NMT2: variants seen among roughly 807,000 people sequenced by gnomAD.
NMT2 encodes the protein glycylpeptide N-tetradecanoyltransferase 2.
Under a neutral mutation model 65.4 loss-of-function variants are expected in NMT2, and 35 were observed. The observed-to-expected ratio is 0.54, with a 90% confidence interval of 0.41 to 0.71. NMT2 has a LOEUF of 0.71. Ranked by LOEUF, NMT2 falls within the 30% of genes least tolerant of loss-of-function variation. NMT2 has a pLI of 0.00. For synonymous variants in NMT2, 226 were observed against 231.8 expected, an observed-to-expected ratio of 0.98 and a Z score of 0.23; for missense variants, 489 against 611.3, an observed-to-expected ratio of 0.80 and a Z score of 2.11.
rs530981598 is a variant in NMT2 at position 15,107,005 on chromosome 10, C to T, written c.*2190G>A. Among the ~76,000 whole-genome samples, 12 of 151,400 alleles carry T rather than the reference C, an allele frequency of 7.9e-5. No homozygotes were observed. The highest frequency in any genetic ancestry group is 2.0e-4 in the Admixed American group (3 of 15,130). ...AGCTAGTTCTTTTTCTTCAAAAAGACGCTGAAGCAGGAGGATCATTTTAAC... is the reference window on the plus strand; with the variant it reads ...AGCTAGTTCTTTTTCTTCAAAAAGATGCTGAAGCAGGAGGATCATTTTAAC... On this transcript the variant is annotated 3_prime_UTR_variant, in exon 12 of 12. Coordinates refer to ENST00000378165, the MANE Select transcript of NMT2 (RefSeq NM_004808.3).
At chr10:15,144,397 C>G (rs1846884125) in intron 1 of NMT2, among the ~76,000 whole-genome samples, 1 of 152,058 alleles carries the variant, frequency 6.6e-6, no homozygotes, top group African/African-American at 2.4e-5. Flanking sequence ...AAGAGCTGAC[C>G]AGTGCACCGC....
intron 9 of NMT2, among the ~76,000 whole-genome samples, chr10:15,113,902 G>A (rs904659247): frequency 2.0e-5 from 3 of 152,140 alleles, no homozygotes; most frequent in Non-Finnish European, 2.9e-5. Flanking sequence ...AGTATTGTTC[G>A]GGTTGTTGTA....
intron 1 of NMT2, among the ~76,000 whole-genome samples, chr10:15,145,450 G>C (rs910818337): frequency 2.0e-5 from 3 of 152,192 alleles, no homozygotes; most frequent in Non-Finnish European, 2.9e-5. Context: ...TGCCATCTTA[G>C]CTCACTGCAA....
In NMT2 at chr10:15,108,449, T is replaced by C. The variant is rs1299944908; in HGVS notation, c.*746A>G. ...ATCTGCCCACCTTGGCCTCCCAAAG[T>C]GCTGGGATTACAGGCGTGAGCCACC... is the stretch of plus-strand genomic sequence containing the variant. On this transcript the variant is annotated 3_prime_UTR_variant, in exon 12 of 12. Coordinates refer to ENST00000378165, the MANE Select transcript of NMT2 (RefSeq NM_004808.3). 28 of 937,864 alleles carry C rather than the reference T, an allele frequency of 3.0e-5. No homozygotes were observed. The highest frequency in any genetic ancestry group is 3.4e-5 in the Non-Finnish European group (27 of 787,062). 58.1% of individuals were successfully genotyped at this position (937,864 alleles called of 1,614,324 possible).
chr10:15,128,372 A>G lies in NMT2; in HGVS notation c.977T>C (p.Met326Thr). The G allele has an allele frequency of 1.2e-6, 2 of 1,601,104 alleles. No homozygotes were observed. Among genetic ancestry groups the G allele is most frequent in the Non-Finnish European group, 1.7e-6 (2 of 1,168,472 alleles). Reference protein sequence around the residue: ...LSRNMTLQRTMKLYRLPDVTK... With the variant: ...LSRNMTLQRTTKLYRLPDVTK... ...TACATCTGGAAGTCTGTATAGCTTCATTGTTCTCTGTAAAGTCATATTTCT... is the reference window on the plus strand; with the variant it reads ...TACATCTGGAAGTCTGTATAGCTTCGTTGTTCTCTGTAAAGTCATATTTCT... The change falls in exon 8 of 12, where the codon ATG becomes ACG. Residue 326 changes from methionine (M) to threonine (T), a missense_variant. Physicochemically the swap from Met to Thr is moderately conservative, Grantham distance 81. Transcript: ENST00000378165.
At chr10:15,123,953 A>G (rs188061324) in intron 8 of NMT2, among the ~76,000 whole-genome samples, 85 of 152,320 alleles carry the variant, frequency 5.6e-4, no homozygotes, top group Non-Finnish European at 4.7e-4. Context: ...GATTCCAGAG[A>G]AGAGATGTAA....
At chr10:15,144,671 C>T (rs913827518) in intron 1 of NMT2, among the ~76,000 whole-genome samples, 5 of 151,932 alleles carry the variant, frequency 3.3e-5, no homozygotes, top group African/African-American at 9.7e-5. Flanking sequence ...GCGGAGCTTG[C>T]AGTGAGCCGA....
intron 6 of NMT2, among the ~76,000 whole-genome samples, chr10:15,130,935 G>A (rs768733055): frequency 5.3e-5 from 8 of 151,680 alleles, no homozygotes; most frequent in African/African-American, 1.7e-4. Flanking sequence ...AATTACAGGT[G>A]CACGCCACCA....
Position 15,168,656 on chromosome 10 carries a change from G to C in NMT2, c.-44C>G, listed in dbSNP as rs533591487. The C allele has an allele frequency of 1.3e-5, 19 of 1,493,130 alleles. No individual in the cohort carries two copies. In the East Asian group the frequency reaches 4.1e-4, roughly 32 times the overall value. The allele number at this position is 1,493,130 out of a possible 1,614,324, so 92.5% of individuals were successfully genotyped here. A position where few individuals can be genotyped will look rare whatever the true frequency, so the allele number is the denominator to read the frequency against. On this transcript the variant is annotated 5_prime_UTR_variant, in exon 1 of 12. Transcript: ENST00000378165. ...GGAGGCGGTGCTCGGGGCCGGGCCG[G>C]AGCGGCCGCAGCTCCCTCTAGTGCC...
At chr10:15,125,728 G>A (rs1449536655) in intron 8 of NMT2, among the ~76,000 whole-genome samples, 1 of 152,108 alleles carries the variant, frequency 6.6e-6, no homozygotes, top group Non-Finnish European at 1.5e-5. Flanking sequence ...GTGCAATGGC[G>A]TGATCTCAGC....
At chr10:15,161,080 T>TA (rs1833173025) in intron 1 of NMT2, among the ~76,000 whole-genome samples, 5 of 3,250 alleles carry the variant, frequency 1.5e-3, no homozygotes, top group Non-Finnish European at 2.8e-3. Flanking sequence ...GCCTCAAAAA[T>TA]CAAAAAAAAA....
chr10:15,105,880 A>G lies in NMT2; in HGVS notation c.*3315T>C. On this transcript the variant is annotated 3_prime_UTR_variant, in exon 12 of 12. Coordinates refer to ENST00000378165, the MANE Select transcript of NMT2 (RefSeq NM_004808.3). ...TGGAGGCAAATGTAGTTATTATTCT[A>G]TTTAAAAGTGGTTAATAATTTGATA... 1 of 231,494 alleles carries G rather than the reference A, an allele frequency of 4.3e-6. No individual in the cohort carries two copies. Among genetic ancestry groups the G allele is most frequent in the South Asian group, 3.6e-5 (1 of 27,906 alleles). The allele number at this position is 231,494 out of a possible 1,614,324, so 14.3% of individuals were successfully genotyped here. A position where few individuals can be genotyped will look rare whatever the true frequency, so the allele number is the denominator to read the frequency against.
chr10:15,153,922 G>C (rs982617412), intron 1 of NMT2, among the ~76,000 whole-genome samples: 6 of 152,214 alleles, frequency 3.9e-5, no homozygotes, highest in African/African-American at 1.4e-4. Context: ...AAAGTGCTGG[G>C]ATTACAGGCG....
intron 2 of NMT2, among the ~76,000 whole-genome samples, chr10:15,137,841 CAATGACCAA>C (rs1846569417): frequency 6.6e-6 from 1 of 152,104 alleles, no homozygotes; most frequent in African/African-American, 2.4e-5. Context: ...CCACATGACC[CAATGACCAA>C]AATGACCAAC....
intron 1 of NMT2, among the ~76,000 whole-genome samples, chr10:15,142,591 C>A (rs769284516): frequency 4.6e-5 from 7 of 152,166 alleles, no homozygotes; most frequent in Non-Finnish European, 1.0e-4. Context: ...GCTATAGATT[C>A]ATATTTCCAC....
chr10:15,137,555 T>G (rs1003987123), intron 2 of NMT2, among the ~76,000 whole-genome samples: 2 of 152,146 alleles, frequency 1.3e-5, no homozygotes, highest in African/African-American at 2.4e-5. Context: ...ACACCATCTA[T>G]TAGAAGACCT....
At chr10:15,129,143 C>T (rs757681272) in intron 7 of NMT2, among the ~76,000 whole-genome samples, 2 of 152,220 alleles carry the variant, frequency 1.3e-5, no homozygotes, top group Non-Finnish European at 2.9e-5. Context: ...TTCACTTTTA[C>T]AGCCTACACA....
At chr10:15,150,800 G>C (rs1336076080) in intron 1 of NMT2, among the ~76,000 whole-genome samples, 1 of 152,208 alleles carries the variant, frequency 6.6e-6, no homozygotes, top group East Asian at 1.9e-4. Flanking sequence ...GTTAGCAGCA[G>C]AGGATGCCTA....
Position 15,107,285 on chromosome 10 carries a change from G to A in NMT2, c.*1910C>T, listed in dbSNP as rs1368284186. 1.1e-6 allele frequency: 1 copy of A among 915,586 alleles called. No individual in the cohort carries two copies. Among genetic ancestry groups the A allele is most frequent in the East Asian group, 1.2e-4 (1 of 8,456 alleles). 56.7% of individuals were successfully genotyped at this position (915,586 alleles called of 1,614,324 possible). ...TAGCCTGTGGGCTACACAAAAATAA[G>A]CAATGGGCTGGATTTAGCCCACAGG... On this transcript the variant is annotated 3_prime_UTR_variant, in exon 12 of 12. Transcript: ENST00000378165.
Sources: gnomAD v4.1 joint callset for allele counts (sites outside exome capture counted in the v4.1 genomes callset) on GRCh38, gnomAD v4.1.1 for gene constraint, MANE v1.5 for transcripts, NCBI Gene and HGNC (gene_info 2026-07-23, HGNC 2026-07-21) for gene names.